GINS1: variants seen among roughly 807,000 people sequenced by gnomAD.
The protein encoded by GINS1 is DNA replication complex GINS protein PSF1.
A neutral mutation model predicts 34.9 loss-of-function variants in GINS1; 26 were observed. That is an observed-to-expected ratio of 0.74 (90% CI 0.55 to 1.03). The LOEUF is 1.03. Ranked by LOEUF, GINS1 falls within the 50% of genes least tolerant of loss-of-function variation. The pLI, the probability that GINS1 is intolerant of heterozygous loss-of-function variation, is 0.00. For synonymous variants in GINS1, 97 were observed against 84.4 expected, an observed-to-expected ratio of 1.15 and a Z score of -0.82; for missense variants, 235 against 237.9, an observed-to-expected ratio of 0.99 and a Z score of 0.08.
Position 25,413,851 on chromosome 20 carries a change from A to G in GINS1, c.137A>G (p.Asp46Gly). The G allele has an allele frequency of 6.6e-7, 1 of 1,520,896 alleles. No individual in the cohort carries two copies. Among genetic ancestry groups the G allele is most frequent in the Non-Finnish European group, 9.1e-7 (1 of 1,094,846 alleles). 94.2% of individuals were successfully genotyped at this position (1,520,896 alleles called of 1,614,324 possible). A position where few individuals can be genotyped will look rare whatever the true frequency, so the allele number is the denominator to read the frequency against. ...MKALYEQNQS[D>G]VNEAKSGGRS... is the part of the protein sequence containing the mutation. Reference sequence around the variant, plus strand: ...GCTTTGTATGAACAAAACCAGTCTGATGTGTAAGTTTCATAAGATGATATT... The same window carrying G: ...GCTTTGTATGAACAAAACCAGTCTGGTGTGTAAGTTTCATAAGATGATATT... The change falls in exon 2 of 7, where the codon GAT becomes GGT. Residue 46 changes from aspartate (D) to glycine (G), a missense_variant. Asp to Gly is a moderately conservative substitution (Grantham distance 94). Coordinates refer to ENST00000262460, the MANE Select transcript of GINS1 (RefSeq NM_021067.5).
intron 5 of GINS1, among the ~76,000 whole-genome samples, chr20:25,427,046 A>G (rs2090395471): frequency 3.3e-5 from 5 of 152,102 alleles, no homozygotes. Context: ...ATCATATGGT[A>G]ATACTATGTT....
chr20:25,419,354 AAC>A (rs2090340775), intron 4 of GINS1, among the ~76,000 whole-genome samples: 1 of 151,878 alleles, frequency 6.6e-6, no homozygotes, highest in Non-Finnish European at 1.5e-5. Flanking sequence ...AAAAAAAAAA[AAC>A]AAATATTCAA....
chr20:25,441,629 A>C, intron 5 of GINS1, 73 bp from the exon 6 acceptor site: 1 of 739,174 alleles, frequency 1.4e-6, no homozygotes, highest in Non-Finnish European at 2.4e-6. Context: ...TATTTGTATA[A>C]TGCTGATTTA....
At chr20:25,412,077 C>T (rs2090289290) in intron 1 of GINS1, among the ~76,000 whole-genome samples, 1 of 151,944 alleles carries the variant, frequency 6.6e-6, no homozygotes, top group South Asian at 2.1e-4. Flanking sequence ...TACTGCACTC[C>T]AACCTGGGCC....
At chr20:25,416,482 T>C (rs1001693677) in intron 2 of GINS1, among the ~76,000 whole-genome samples, 1 of 152,222 alleles carries the variant, frequency 6.6e-6, no homozygotes, top group African/African-American at 2.4e-5. Flanking sequence ...ATTCTTTTTA[T>C]ATGCATATGG....
chr20:25,423,019 C>T (rs1310862028), intron 4 of GINS1, among the ~76,000 whole-genome samples: 1 of 151,908 alleles, frequency 6.6e-6, no homozygotes. Context: ...TCAGGTGGTC[C>T]ACCTGCCCCA....
chr20:25,409,502 G>A (rs921457627), intron 1 of GINS1, among the ~76,000 whole-genome samples: 5 of 152,190 alleles, frequency 3.3e-5, no homozygotes, highest in Non-Finnish European at 7.4e-5. Context: ...GAGGAATTGG[G>A]ATCTTGGAGG....
At chr20:25,415,722 GCTCA>G (rs1264280036) in intron 2 of GINS1, among the ~76,000 whole-genome samples, 1 of 151,288 alleles carries the variant, frequency 6.6e-6, no homozygotes, top group Non-Finnish European at 1.5e-5. Flanking sequence ...TGTCCCTGGC[GCTCA>G]CTGTCTAGTG....
intron 5 of GINS1, among the ~76,000 whole-genome samples, chr20:25,435,092 T>C (rs536551087): frequency 1.4e-4 from 22 of 152,324 alleles, no homozygotes; most frequent in Non-Finnish European, 2.8e-4. Context: ...TTTACCTATA[T>C]TGAGATCTTT....
rs191555058 is a variant in GINS1 at position 25,423,806 on chromosome 20, G to A, written c.331-1405G>A. Among the ~76,000 whole-genome samples the A allele has an allele frequency of 1.8e-3, 274 of 151,792 alleles. 2 individuals are homozygous for A. The highest frequency in any genetic ancestry group is 6.4e-3 in the African/African-American group (266 of 41,394). On this transcript the variant is annotated intron_variant, in intron 4 of 6. Transcript: ENST00000262460. ...TTTTTTTGTATTTTTAGTAGAGACG[G>A]GGTTTCACCATGTTAGCCAGGATGG...
intron 4 of GINS1, chr20:25,419,803 C>G (rs527477970): frequency 4.9e-6 from 1 of 202,314 alleles, no homozygotes; most frequent in East Asian, 1.8e-4. Flanking sequence ...GCTGTGATTA[C>G]AGGTGCGTGC....
At chr20:25,438,446 T>C (rs923462629) in intron 5 of GINS1, among the ~76,000 whole-genome samples, 7 of 151,272 alleles carry the variant, frequency 4.6e-5, no homozygotes, top group Admixed American at 2.6e-4. Context: ...GACTAATAAC[T>C]GCGGTGAATT....
At chr20:25,413,152 G>A (rs911895769) in intron 1 of GINS1, among the ~76,000 whole-genome samples, 1 of 151,666 alleles carries the variant, frequency 6.6e-6, no homozygotes. Flanking sequence ...CCGGGTTCAA[G>A]CGATTTCCCC....
intron 4 of GINS1, chr20:25,420,781 CAAAAAAA>C: frequency 1.6e-6 from 1 of 617,910 alleles, no homozygotes; most frequent in Non-Finnish European, 2.0e-6. Context: ...GACCCTGTCT[CAAAAAAA>C]AAAAAAAAGA....
intron 4 of GINS1, among the ~76,000 whole-genome samples, chr20:25,423,452 C>CTTTTTTTTTTTTTTTTTTT (rs1159340467): frequency 3.3e-5 from 1 of 29,990 alleles, no homozygotes; most frequent in Non-Finnish European, 5.8e-5. Context: ...TTTTTCTTTT[C>CTTTTTTTTTTTTTTTTTTT]TTTTTTTTTT....
chr20:25,422,464 G>A (rs186411813), intron 4 of GINS1, among the ~76,000 whole-genome samples: 7 of 151,926 alleles, frequency 4.6e-5, no homozygotes, highest in East Asian at 1.9e-4. Flanking sequence ...GGTGGCATGC[G>A]CCTGTGGTCC....
At position 25,412,359 on chromosome 20, in the gene GINS1, G is replaced by A. The variant is rs540869551; in HGVS notation, c.76-1431G>A. ...ACCCGAGGTCAGGAGTTCAAGACCA[G>A]CCTGGCCAATATAGTGAAACCCCGT... On this transcript the variant is annotated intron_variant, in intron 1 of 6. Coordinates refer to ENST00000262460, the MANE Select transcript of GINS1 (RefSeq NM_021067.5). Among the ~76,000 whole-genome samples the A allele has an allele frequency of 3.0e-4, 45 of 151,792 alleles. No homozygotes were observed. The Middle Eastern group carries it at 0.01, about 34-fold the overall frequency.
chr20:25,417,724 C>T (rs1210800755), intron 3 of GINS1, among the ~76,000 whole-genome samples: 1 of 151,948 alleles, frequency 6.6e-6, no homozygotes, highest in African/African-American at 2.4e-5. Context: ...GGAGTGGTAG[C>T]GGGTGCCTAA....
At chr20:25,438,226 A>G (rs569495743) in intron 5 of GINS1, among the ~76,000 whole-genome samples, 1 of 152,004 alleles carries the variant, frequency 6.6e-6, no homozygotes, top group Non-Finnish European at 1.5e-5. Context: ...CCTAAATGCC[A>G]TTTCCCACTA....
Sources: gnomAD v4.1 joint callset for allele counts (sites outside exome capture counted in the v4.1 genomes callset) on GRCh38, gnomAD v4.1.1 for gene constraint, MANE v1.5 for transcripts, NCBI Gene and HGNC (gene_info 2026-07-23, HGNC 2026-07-21) for gene names.